The following SAE1 variants were observed in gnomAD, a reference collection of about 807,000 sequenced individuals.
SAE1 encodes the protein SUMO-activating enzyme subunit 1.
SAE1 carries 11 observed loss-of-function variants against 40.6 expected under a neutral mutation model. That is an observed-to-expected ratio of 0.27 (90% confidence interval 0.17 to 0.45). The LOEUF is 0.45. Ranked by LOEUF, SAE1 falls within the 20% of genes least tolerant of loss-of-function variation. The probability of loss-of-function intolerance (pLI) is 1.00; values close to 1 mark genes in which losing one functional copy is unlikely to be tolerated. For synonymous variants in SAE1, 155 were observed against 154.3 expected (o/e 1.00, Z -0.03); for missense variants, 373 against 427.3 (o/e 0.87, Z 1.12).
chr19:47,204,668 G>C (rs1189679512), intron 8 of SAE1, among the ~76,000 whole-genome samples: 1 of 151,096 alleles, frequency 6.6e-6, no homozygotes, highest in Admixed American at 6.6e-5. Context: ...CACCACACCA[G>C]GCTAATTTTT....
chr19:47,181,780 CTT>C (rs36107839), intron 6 of SAE1, among the ~76,000 whole-genome samples: 1,412 of 96,560 alleles, frequency 0.015, 10 homozygotes, highest in African/African-American at 0.043. Context: ...CACCTGGCCT[CTT>C]TTTTTTTTTT....
chr19:47,158,718 G>C (rs2055956219), intron 5 of SAE1, among the ~76,000 whole-genome samples: 1 of 152,188 alleles, frequency 6.6e-6, no homozygotes, highest in African/African-American at 2.4e-5. Context: ...GCACTGTGTT[G>C]AGTGCAGGGA....
At chr19:47,141,474 C>G (rs1398821888) in intron 1 of SAE1, among the ~76,000 whole-genome samples, 2 of 152,120 alleles carry the variant, frequency 1.3e-5, no homozygotes, top group Admixed American at 1.3e-4. Context: ...GCAGAGCAGT[C>G]TGTAGAGCTA....
chr19:47,168,761 G>A (rs1164991908), intron 5 of SAE1, among the ~76,000 whole-genome samples: 2 of 151,978 alleles, frequency 1.3e-5, no homozygotes, highest in Non-Finnish European at 1.5e-5. Context: ...CTGCCACCAC[G>A]TCCAACTAAT....
chr19:47,159,886 A>G (rs2058348298), intron 5 of SAE1, among the ~76,000 whole-genome samples: 1 of 151,914 alleles, frequency 6.6e-6, no homozygotes, highest in South Asian at 2.1e-4. Flanking sequence ...TAGAGACGGT[A>G]TTTCTCCATA....
chr19:47,188,408 CTG>C (rs1039126490), intron 6 of SAE1, among the ~76,000 whole-genome samples: 41 of 151,794 alleles, frequency 2.7e-4, no homozygotes, highest in Middle Eastern at 6.8e-3. Flanking sequence ...AGGGAAAAAA[CTG>C]TGCTGGGAGT....
intron 6 of SAE1, among the ~76,000 whole-genome samples, chr19:47,182,566 G>C (rs527675402): frequency 6.6e-6 from 1 of 152,010 alleles, no homozygotes; most frequent in South Asian, 2.1e-4. Flanking sequence ...CAGTCATTCA[G>C]AAAGGAAGAA....
intron 7 of SAE1, among the ~76,000 whole-genome samples, chr19:47,201,360 C>CTTTTTTTTTTTTTTTTTTTTTTTTTTTTT (rs57568797): frequency 1.5e-5 from 1 of 66,204 alleles, no homozygotes; most frequent in African/African-American, 6.7e-5. Context: ...TATCTGGTTC[C>CTTTTTTTTTTTTTTTTTTTTTTTTTTTTT]TTTTTTTTTT....
chr19:47,132,465 C>T (rs1174344499), intron 1 of SAE1, among the ~76,000 whole-genome samples: 1 of 150,638 alleles, frequency 6.6e-6, no homozygotes, highest in Non-Finnish European at 1.5e-5. Flanking sequence ...GCCATGTTGC[C>T]CAGACTGGTC....
rs56268362 is a variant in SAE1 at position 47,195,736 on chromosome 19, C to CTT, written c.734-1479_734-1478dup. Among the ~76,000 whole-genome samples the CTT allele has an allele frequency of 4.9e-3, 460 of 93,118 alleles. 5 individuals carry two copies. The highest frequency in any genetic ancestry group is 0.018 in the African/African-American group (420 of 23,060). The allele number at this position is 93,118 out of a possible 152,430, so 61.1% of individuals were successfully genotyped here. On this transcript the variant is annotated intron_variant, in intron 6 of 8. Coordinates refer to ENST00000270225, the MANE Select transcript of SAE1 (RefSeq NM_005500.3). ...TTCCTTTTCCTTTCCTTTTTTTCTT[C>CTT]TTTTTTTTTTTTTTTTTTTGACAGG...
chr19:47,169,836 G>C lies in SAE1; in HGVS notation c.646G>C (p.Val216Leu). Residue 216 changes from valine to leucine, a missense_variant, in exon 6 of 9, where the codon GTT becomes CTT. By Grantham distance (32) the Val-to-Leu change is conservative. Around this residue, in one of 3 missense-constraint regions of SAE1, gnomAD observed 351 missense variants for 390.6 expected, o/e 0.90. Coordinates refer to ENST00000270225, the MANE Select transcript of SAE1 (RefSeq NM_005500.3). ...TCCACAGAAGGTGGTCTTCTGCCCT[G>C]TTAAAGAAGCCCTGGAGGTGGACTG... ...MVKKKVVFCP[V>L]KEALEVDWSS... is the part of the protein sequence containing the mutation. The C allele has an allele frequency of 6.2e-7, 1 of 1,614,078 alleles. No homozygotes were observed.
chr19:47,131,168 G>C, intron 1 of SAE1, 140 bp downstream of exon 1: 1 of 1,413,084 alleles, frequency 7.1e-7, no homozygotes, highest in Non-Finnish European at 9.2e-7. Context: ...TCTCTCTCTT[G>C]GGGGGACTGG....
chr19:47,140,038 A>G (rs1241377344), intron 1 of SAE1, among the ~76,000 whole-genome samples: 2 of 143,618 alleles, frequency 1.4e-5, no homozygotes, highest in Admixed American at 7.0e-5. Flanking sequence ...CCCGGGTTCA[A>G]GCGATTCTCC....
chr19:47,132,103 C>G (rs1345273597), intron 1 of SAE1, among the ~76,000 whole-genome samples: 1 of 152,028 alleles, frequency 6.6e-6, no homozygotes, highest in Non-Finnish European at 1.5e-5. Flanking sequence ...GCTGGGATTA[C>G]AGGCTCGCGC....
chr19:47,203,645 AT>A (rs746138363), intron 7 of SAE1, 25 bp from the exon 8 acceptor site: 33 of 1,609,122 alleles, frequency 2.1e-5, no homozygotes, highest in Non-Finnish European at 2.6e-5. Context: ...CCAGTGCTCC[AT>A]TTTCCTTGTC....
In SAE1 at chr19:47,186,667, C is replaced by T. The variant is rs575494505; in HGVS notation, c.734-10566C>T. ...TTCCCCATCAACAACTTTCATCCGG[C>T]GCCTCGGAACCTCTTCAGTAGAGAG... On this transcript the variant is annotated intron_variant, in intron 6 of 8. Coordinates refer to ENST00000270225, the MANE Select transcript of SAE1 (RefSeq NM_005500.3). 6.6e-5 allele frequency among the ~76,000 whole-genome samples: 10 copies of T among 152,220 alleles called. No homozygotes were observed. In the East Asian group the frequency reaches 1.7e-3, roughly 26 times the overall value.
chr19:47,195,795 A>G (rs2058610637), intron 6 of SAE1, among the ~76,000 whole-genome samples: 1 of 117,958 alleles, frequency 8.5e-6, no homozygotes, highest in Non-Finnish European at 1.6e-5. Flanking sequence ...GAGTGCAGTG[A>G]TGAGATCTCT....
At chr19:47,207,567 G>GT (rs1379252558) in intron 8 of SAE1, among the ~76,000 whole-genome samples, 2 of 152,168 alleles carry the variant, frequency 1.3e-5, no homozygotes, top group African/African-American at 4.8e-5. Context: ...TCAGAAAGAT[G>GT]TATGTGCATA....
intron 7 of SAE1, among the ~76,000 whole-genome samples, chr19:47,198,285 G>A (rs1246563451): frequency 2.0e-5 from 3 of 152,000 alleles, no homozygotes; most frequent in East Asian, 3.9e-4. Context: ...AATTTTTTTT[G>A]TATTTTTAGT....
Sources: gnomAD v4.1 joint callset for allele counts (sites outside exome capture counted in the v4.1 genomes callset) on GRCh38, gnomAD v4.1.1 for gene constraint, gnomAD v4.1.1 regional missense constraint, MANE v1.5 for transcripts, NCBI Gene and HGNC (gene_info 2026-07-23, HGNC 2026-07-21) for gene names.